The following MRPS6 variants were observed in gnomAD, a reference collection of about 807,000 sequenced individuals.
The protein encoded by MRPS6 is small ribosomal subunit protein bS6m.
In MRPS6, 6 loss-of-function variants were observed where a neutral mutation model predicts 13.1. That is an observed-to-expected ratio of 0.46 (90% CI 0.25 to 0.91). The LOEUF is 0.91. Among genes scored for constraint, MRPS6 ranks in the 40% least tolerant of loss-of-function variants. The pLI, the probability that MRPS6 is intolerant of heterozygous loss-of-function variation, is 0.18. For missense variants in MRPS6, 164 were observed against 155.6 expected, an observed-to-expected ratio of 1.05 and a Z score of -0.29; for synonymous variants, 61 against 56.5, an observed-to-expected ratio of 1.08 and a Z score of -0.36.
intron 1 of MRPS6, among the ~76,000 whole-genome samples, chr21:34,093,095 A>T (rs1978788624): frequency 6.6e-6 from 1 of 152,214 alleles, no homozygotes; most frequent in Non-Finnish European, 1.5e-5. Flanking sequence ...ATTTTATTAA[A>T]AATTTAGATG....
Position 34,130,124 on chromosome 21 carries a change from C to T in MRPS6, c.185+4644C>T, listed in dbSNP as rs550920825. On this transcript the variant is annotated intron_variant, in intron 2 of 2. Coordinates refer to ENST00000399312, the MANE Select transcript of MRPS6 (RefSeq NM_032476.4). ...GCCCTCCCATCCCCCTCCCCCATCC[C>T]CCCACCCACTGTGAGCCACTGAGTG... 9.2e-5 allele frequency among the ~76,000 whole-genome samples: 14 copies of T among 152,226 alleles called. No individual in the cohort carries two copies. In the East Asian group the frequency reaches 2.3e-3, roughly 25 times the overall value.
chr21:34,104,315 G>T (rs890789909), intron 1 of MRPS6: 1 of 999,904 alleles, frequency 1.0e-6, no homozygotes, highest in Non-Finnish European at 1.2e-6. Flanking sequence ...ATCTGTTAAT[G>T]TGTGTGTAGA....
intron 2 of MRPS6, among the ~76,000 whole-genome samples, chr21:34,125,841 A>T (rs1270429387): frequency 1.3e-5 from 2 of 152,232 alleles, no homozygotes; most frequent in African/African-American, 4.8e-5. Context: ...AGTTTTAAAC[A>T]TATGCGTTGC....
intron 2 of MRPS6, among the ~76,000 whole-genome samples, chr21:34,129,201 A>G (rs1980413790): frequency 4.6e-5 from 7 of 152,116 alleles, no homozygotes; most frequent in Admixed American, 4.6e-4. Flanking sequence ...TTACTGAATG[A>G]TAGTAACAGT....
Position 34,102,947 on chromosome 21 carries a change from CCT to C in MRPS6, c.46-22393_46-22392del, listed in dbSNP as rs973250749. 1.0e-5 allele frequency: 10 copies of C among 999,730 alleles called. No individual in the cohort carries two copies. The African/African-American group carries it at 1.6e-4, about 16-fold the overall frequency. The allele number at this position is 999,730 out of a possible 1,614,324, so 61.9% of individuals were successfully genotyped here. A position where few individuals can be genotyped will look rare whatever the true frequency, so the allele number is the denominator to read the frequency against. On this transcript the variant is annotated intron_variant, in intron 1 of 2. Transcript: ENST00000399312. Reference sequence around the variant, plus strand: ...ACCTAATTTATCTTGGTAAATTCACCCTGTTTCCTAGTGCTGCTGGATAAAAG... The same window carrying C: ...ACCTAATTTATCTTGGTAAATTCACCGTTTCCTAGTGCTGCTGGATAAAAG...
intron 1 of MRPS6, among the ~76,000 whole-genome samples, chr21:34,075,586 G>A (rs1989309893): frequency 6.6e-6 from 1 of 152,218 alleles, no homozygotes; most frequent in African/African-American, 2.4e-5. Flanking sequence ...TAATAAAGGT[G>A]AACTGCCTCT....
At chr21:34,097,655 T>C (rs1352152211) in intron 1 of MRPS6, 3 of 1,084,314 alleles carry the variant, frequency 2.8e-6, no homozygotes, top group South Asian at 3.7e-5. Flanking sequence ...AGAATATATG[T>C]TAAGTTACCA....
At chr21:34,129,080 A>C (rs1980408993) in intron 2 of MRPS6, among the ~76,000 whole-genome samples, 1 of 152,142 alleles carries the variant, frequency 6.6e-6, no homozygotes, top group African/African-American at 2.4e-5. Flanking sequence ...GTTGGTGTGG[A>C]AAATTCTTAC....
Position 34,096,458 on chromosome 21 carries a change from G to C in MRPS6, c.45+22713G>C, listed in dbSNP as rs370000793. Reference sequence around the variant, plus strand: ...GGATATTTGTGGCATTTATGGTGGTGATCAGCATAGCATGGGTGCCAATCA... The same window carrying C: ...GGATATTTGTGGCATTTATGGTGGTCATCAGCATAGCATGGGTGCCAATCA... On this transcript the variant is annotated intron_variant, in intron 1 of 2. Transcript: ENST00000399312. This position sits in a 1 kb window ranked among gnomAD's most constrained non-coding sequence, Gnocchi z 5.9. 6 of 1,614,182 alleles carry C rather than the reference G, an allele frequency of 3.7e-6. No individual in the cohort carries two copies. In the African/African-American group the frequency reaches 8.0e-5, roughly 22 times the overall value.
chr21:34,081,844 T>C (rs1467802747), intron 1 of MRPS6, among the ~76,000 whole-genome samples: 1 of 152,162 alleles, frequency 6.6e-6, no homozygotes, highest in Non-Finnish European at 1.5e-5. Context: ...AAGATAAAAC[T>C]TATTATATCT....
At chr21:34,104,562 C>G in intron 1 of MRPS6, 2 of 998,594 alleles carry the variant, frequency 2.0e-6, no homozygotes, top group Non-Finnish European at 2.4e-6. Context: ...AAGACTATAT[C>G]TGGTGTAGAC....
intron 1 of MRPS6, among the ~76,000 whole-genome samples, chr21:34,074,768 G>A (rs1989285329): frequency 6.6e-6 from 1 of 152,208 alleles, no homozygotes; most frequent in African/African-American, 2.4e-5. Flanking sequence ...AGGAGTGGAC[G>A]CATTTTTACG....
chr21:34,125,235 A>G, intron 1 of MRPS6, 106 bp from the exon 2 acceptor site: 1 of 1,475,846 alleles, frequency 6.8e-7, no homozygotes, highest in Non-Finnish European at 9.0e-7. Flanking sequence ...AGCGATTCCT[A>G]CCAGTAGAGC....
At chr21:34,098,259 C>T in intron 1 of MRPS6, 2 of 999,836 alleles carry the variant, frequency 2.0e-6, no homozygotes, top group Non-Finnish European at 2.4e-6. Flanking sequence ...TAGCTTTATT[C>T]TTGTTATTTG....
intron 2 of MRPS6, among the ~76,000 whole-genome samples, chr21:34,140,456 CCTTTA>C (rs1980871070): frequency 6.6e-6 from 1 of 151,984 alleles, no homozygotes; most frequent in Non-Finnish European, 1.5e-5. Context: ...AACTTGAATC[CCTTTA>C]TGTTATATGG....
At chr21:34,088,365 A>C (rs1164581277) in intron 1 of MRPS6, among the ~76,000 whole-genome samples, 1 of 143,086 alleles carries the variant, frequency 7.0e-6, no homozygotes. Flanking sequence ...CAGCTGACCC[A>C]TCAGGGCTTT....
chr21:34,093,236 A>T (rs1017424650), intron 1 of MRPS6, among the ~76,000 whole-genome samples: 2 of 150,206 alleles, frequency 1.3e-5, no homozygotes, highest in Non-Finnish European at 3.0e-5. Context: ...TCAACTTTTA[A>T]GATTTTTTTT....
intron 1 of MRPS6, among the ~76,000 whole-genome samples, chr21:34,116,214 G>GTA (rs1556008486): frequency 3.2e-4 from 46 of 145,470 alleles, no homozygotes; most frequent in African/African-American, 1.2e-3. Flanking sequence ...GTGTGTGTGT[G>GTA]TGTATGTGTG....
chr21:34,085,877 C>T (rs181681651), intron 1 of MRPS6, among the ~76,000 whole-genome samples: 91 of 152,298 alleles, frequency 6.0e-4, no homozygotes, highest in African/African-American at 2.1e-3. Flanking sequence ...GCTGGGATTA[C>T]AGGTGTGAGC....
Sources: allele counts gnomAD v4.1 joint callset (sites outside exome capture counted in the v4.1 genomes callset), GRCh38; gene constraint gnomAD v4.1.1; non-coding constraint Gnocchi (gnomAD v3.1); transcripts MANE v1.5; gene names NCBI Gene and HGNC (gene_info 2026-07-23, HGNC 2026-07-21).